Variants in KIRREL3 observed in about 807,000 individuals in gnomAD.
KIRREL3 encodes kirre like nephrin family adhesion molecule 3.
In KIRREL3, 36 loss-of-function variants were observed where a neutral mutation model predicts 89.7. The observed-to-expected ratio is 0.40, with a 90% CI of 0.31 to 0.53. The LOEUF (loss-of-function observed/expected upper bound fraction) is 0.53, where lower values mean the gene tolerates loss of function less well. Ranked by LOEUF, KIRREL3 falls within the 20% of genes least tolerant of loss-of-function variation. The pLI, the probability that KIRREL3 is intolerant of heterozygous loss-of-function variation, is 0.49. For missense variants in KIRREL3, 864 were observed against 1,056.6 expected (o/e 0.82, Z 2.53); for synonymous variants, 445 against 441.4 (o/e 1.01, Z -0.10).
intron 1 of KIRREL3, among the ~76,000 whole-genome samples, chr11:126,581,756 A>G (rs1183748417): frequency 6.6e-6 from 1 of 152,136 alleles, no homozygotes; most frequent in Non-Finnish European, 1.5e-5. Flanking sequence ...CCTGTAATAG[A>G]CAGGAGTCTC....
At chr11:126,469,151 G>A (rs938485542) in intron 5 of KIRREL3, among the ~76,000 whole-genome samples, 1 of 152,208 alleles carries the variant, frequency 6.6e-6, no homozygotes, top group Non-Finnish European at 1.5e-5. Flanking sequence ...ACGGCAAGGT[G>A]AGGTCACGCA....
Position 126,424,382 on chromosome 11 carries a change from C to T in KIRREL3, c.*198G>A. 4.2e-6 allele frequency: 2 copies of T among 470,862 alleles called. No homozygotes were observed. The highest frequency in any genetic ancestry group is 7.9e-6 in the Non-Finnish European group (2 of 254,146). The allele number at this position is 470,862 out of a possible 1,614,324, so 29.2% of individuals were successfully genotyped here. A position where few individuals can be genotyped will look rare whatever the true frequency, so the allele number is the denominator to read the frequency against. On this transcript the variant is annotated 3_prime_UTR_variant, in exon 17 of 17. Transcript: ENST00000525144. Reference sequence around the variant, plus strand: ...GCCTCTGTCTGTCTCCCCACCCGCCCACCTCTGGCACACAGCACCTGGGGA... The same window carrying T: ...GCCTCTGTCTGTCTCCCCACCCGCCTACCTCTGGCACACAGCACCTGGGGA...
chr11:126,601,371 G>A lies in KIRREL3; in HGVS notation c.56-38459C>T, dbSNP rs142306409. Among the ~76,000 whole-genome samples, 154 of 152,320 alleles carry A rather than the reference G, an allele frequency of 1.0e-3. No individual in the cohort carries two copies. The East Asian group carries it at 0.022, about 21-fold the overall frequency. On this transcript the variant is annotated intron_variant, in intron 1 of 16. Transcript: ENST00000525144. This position sits in a 1 kb window ranked among gnomAD's most constrained non-coding sequence, Gnocchi z 5.8. ...GCCTGCTAATGCCCTGAGGCGATGG[G>A]AACACAGCTCTGGGAGCACCTGCAA...
In KIRREL3 at chr11:126,528,312, C is replaced by T. The variant is rs930141207; in HGVS notation, c.134-1625G>A. 5.3e-5 allele frequency among the ~76,000 whole-genome samples: 8 copies of T among 152,216 alleles called. No individual in the cohort carries two copies. The highest frequency in any genetic ancestry group is 1.7e-4 in the African/African-American group (7 of 41,454). On this transcript the variant is annotated intron_variant, in intron 2 of 16. Transcript: ENST00000525144. This position sits in a 1 kb window ranked among gnomAD's most constrained non-coding sequence, Gnocchi z 4.6. ...CATCTTGGGGACAAAAAGCCCCAGGCTTGGGCCACACCTAGGACTGAGCTC... is the reference window on the plus strand; with the variant it reads ...CATCTTGGGGACAAAAAGCCCCAGGTTTGGGCCACACCTAGGACTGAGCTC...
chr11:126,701,916 CG>C (rs1450131797), intron 1 of KIRREL3, among the ~76,000 whole-genome samples: 1 of 152,100 alleles, frequency 6.6e-6, no homozygotes, highest in Non-Finnish European at 1.5e-5. Flanking sequence ...AGTCAAGTCC[CG>C]GGGTCTCGAT....
At position 126,485,028 on chromosome 11, in the gene KIRREL3, C is replaced by T. The variant is rs919915601; in HGVS notation, c.434-11562G>A. On this transcript the variant is annotated intron_variant, in intron 4 of 16. Transcript: ENST00000525144. This position sits in a 1 kb window ranked among gnomAD's most constrained non-coding sequence, Gnocchi z 5.8. ...GGAGACGGGGTTTCGTCATGTTGGC[C>T]AGGCTGGTCTCAAACGCCTGACCTC... Among the ~76,000 whole-genome samples the T allele has an allele frequency of 1.3e-5, 2 of 152,028 alleles. No homozygotes were observed. The highest frequency in any genetic ancestry group is 4.8e-5 in the African/African-American group (2 of 41,404).
rs1957358965 is a variant in KIRREL3 at position 126,486,356 on chromosome 11, G to A, written c.434-12890C>T. 6.6e-6 allele frequency among the ~76,000 whole-genome samples: 1 copy of A among 152,166 alleles called. No homozygotes were observed. The highest frequency in any genetic ancestry group is 1.5e-5 in the Non-Finnish European group (1 of 68,026). On this transcript the variant is annotated intron_variant, in intron 4 of 16. Coordinates refer to ENST00000525144, the MANE Select transcript of KIRREL3 (RefSeq NM_032531.4). This position sits in a 1 kb window ranked among gnomAD's most constrained non-coding sequence, Gnocchi z 6.2. The stretch of plus-strand genomic sequence containing the variant: ...AGGGCTGGGGCAGGAAGGCCAGTGT[G>A]TGGTGCTGGGTGGCTTACACTCACC...
rs1958410765 is a variant in KIRREL3 at position 126,516,399 on chromosome 11, C to T, written c.433+4916G>A. Among the ~76,000 whole-genome samples the T allele has an allele frequency of 6.6e-6, 1 of 152,144 alleles. No individual in the cohort carries two copies. Among genetic ancestry groups the T allele is most frequent in the African/African-American group, 2.4e-5 (1 of 41,412 alleles). On this transcript the variant is annotated intron_variant, in intron 4 of 16. Transcript: ENST00000525144. The surrounding 1 kb of genome is among the most constrained non-coding windows in gnomAD (Gnocchi z 4.9). ...CTTCTGATCCCCCCATCCTGCTCTACTTTTTCCTTTCCGTAGCATTTATTA... is the reference window on the plus strand; with the variant it reads ...CTTCTGATCCCCCCATCCTGCTCTATTTTTTCCTTTCCGTAGCATTTATTA...
intron 1 of KIRREL3, among the ~76,000 whole-genome samples, chr11:126,728,399 G>T (rs544282795): frequency 6.6e-6 from 1 of 152,130 alleles, no homozygotes; most frequent in South Asian, 2.1e-4. Context: ...ACCTCCCACC[G>T]TGTTAAAGCA....
rs1432172490 is a variant in KIRREL3 at position 126,526,327 on chromosome 11, C to T, written c.283+211G>A. On this transcript the variant is annotated intron_variant, in intron 3 of 16. Coordinates refer to ENST00000525144, the MANE Select transcript of KIRREL3 (RefSeq NM_032531.4). The surrounding 1 kb of genome is among the most constrained non-coding windows in gnomAD (Gnocchi z 5.7). The stretch of plus-strand genomic sequence containing the variant: ...GACCCACCGCTAGAAGGAGGGTTTG[C>T]TTATGGTTCATTATGCACATCAGGG... Among the ~76,000 whole-genome samples the T allele has an allele frequency of 6.6e-6, 1 of 152,172 alleles. No individual in the cohort carries two copies. The highest frequency in any genetic ancestry group is 1.5e-5 in the Non-Finnish European group (1 of 68,028).
At chr11:126,928,599 TG>T (rs1947814927) in intron 1 of KIRREL3, among the ~76,000 whole-genome samples, 1 of 152,190 alleles carries the variant, frequency 6.6e-6, no homozygotes, top group South Asian at 2.1e-4. Context: ...AAGGCAGGAC[TG>T]GGGCTATTTC....
rs921566133 is a variant in KIRREL3 at position 126,879,482 on chromosome 11, T to C, written c.55+120973A>G. ...TGATGTCATGCCGTTAAGATAACTATAGGTCCTTCTGATCAACACCATGGT... is the reference window on the plus strand; with the variant it reads ...TGATGTCATGCCGTTAAGATAACTACAGGTCCTTCTGATCAACACCATGGT... On this transcript the variant is annotated intron_variant, in intron 1 of 16. Transcript: ENST00000525144. The surrounding 1 kb of genome is among the most constrained non-coding windows in gnomAD (Gnocchi z 5.4). Among the ~76,000 whole-genome samples, 5 of 152,188 alleles carry C rather than the reference T, an allele frequency of 3.3e-5. No homozygotes were observed. Among genetic ancestry groups the C allele is most frequent in the African/African-American group, 1.2e-4 (5 of 41,442 alleles).
chr11:126,464,631 C>T lies in KIRREL3; in HGVS notation c.592-1324G>A, dbSNP rs1196336494. On this transcript the variant is annotated intron_variant, in intron 5 of 16. Coordinates refer to ENST00000525144, the MANE Select transcript of KIRREL3 (RefSeq NM_032531.4). ...GGAGAAGAGGAGGATGAGGAGAAGA[C>T]AGAGAGAAACAGAGAAGGCCAGGTG... Among the ~76,000 whole-genome samples, 3 of 152,058 alleles carry T rather than the reference C, an allele frequency of 2.0e-5. No individual in the cohort carries two copies. The South Asian group carries it at 6.3e-4, about 32-fold the overall frequency.
chr11:126,936,999 A>G (rs1948217315), intron 1 of KIRREL3: 2 of 152,204 alleles, frequency 1.3e-5, no homozygotes, highest in African/African-American at 4.8e-5. Context: ...CACTAAGAAC[A>G]CTACCTATGA....
chr11:126,983,659 A>G lies in KIRREL3; in HGVS notation c.55+16796T>C, dbSNP rs905035152. On this transcript the variant is annotated intron_variant, in intron 1 of 16. Coordinates refer to ENST00000525144, the MANE Select transcript of KIRREL3 (RefSeq NM_032531.4). The surrounding 1 kb of genome is among the most constrained non-coding windows in gnomAD (Gnocchi z 4.9). ...GGCACTCTGCCTCTAGAAGCCAGAA[A>G]AGGCCAAGAAATTGATTTTCCCTAT... Among the ~76,000 whole-genome samples the G allele has an allele frequency of 6.6e-6, 1 of 152,158 alleles. No homozygotes were observed. Among genetic ancestry groups the G allele is most frequent in the Non-Finnish European group, 1.5e-5 (1 of 68,036 alleles).
At chr11:126,456,232 C>T (rs551598346) in intron 7 of KIRREL3, 117 bp downstream of exon 7, 29 of 675,690 alleles carry the variant, frequency 4.3e-5, no homozygotes, top group Admixed American at 1.4e-4. Flanking sequence ...ACTGGACACG[C>T]GGTGTGGACT....
intron 1 of KIRREL3, among the ~76,000 whole-genome samples, chr11:126,726,366 A>G (rs1948379733): frequency 6.6e-6 from 1 of 150,734 alleles, no homozygotes; most frequent in South Asian, 2.1e-4. Context: ...ACTACACAAG[A>G]TGCCTCCTTT....
chr11:126,924,551 C>G lies in KIRREL3; in HGVS notation c.55+75904G>C, dbSNP rs146184382. On this transcript the variant is annotated intron_variant, in intron 1 of 16. Coordinates refer to ENST00000525144, the MANE Select transcript of KIRREL3 (RefSeq NM_032531.4). The surrounding 1 kb of genome is among the most constrained non-coding windows in gnomAD (Gnocchi z 4.7). ...CATCTTTGGCTTCACACACCCGACC[C>G]ACAGACTGCGCTTCAGCTGCTGCTG... Among the ~76,000 whole-genome samples the G allele has an allele frequency of 1.5e-3, 227 of 152,350 alleles. 1 individual carries two copies. Among genetic ancestry groups the G allele is most frequent in the African/African-American group, 5.3e-3 (222 of 41,588 alleles).
chr11:126,648,140 G>A (rs912088761), intron 1 of KIRREL3, among the ~76,000 whole-genome samples: 11 of 152,084 alleles, frequency 7.2e-5, no homozygotes, highest in Admixed American at 1.3e-4. Context: ...CTCCTGCTCT[G>A]GCCATCTAAT....
Sources: allele counts gnomAD v4.1 joint callset (sites outside exome capture counted in the v4.1 genomes callset), GRCh38; gene constraint gnomAD v4.1.1; non-coding constraint Gnocchi (gnomAD v3.1); transcripts MANE v1.5; gene names NCBI Gene and HGNC (gene_info 2026-07-23, HGNC 2026-07-21).